The following NIM1K variants were observed in gnomAD, a reference collection of about 807,000 sequenced individuals.
The protein encoded by NIM1K is NIM1 serine/threonine protein kinase.
A neutral mutation model predicts 37.1 loss-of-function variants in NIM1K; 35 were observed. The observed-to-expected ratio is 0.94, with a 90% CI of 0.72 to 1.25. NIM1K has a LOEUF of 1.25. NIM1K is among the 50% of genes most tolerant of loss of function. The probability of loss-of-function intolerance (pLI) is 0.00; values close to 1 mark genes in which losing one functional copy is unlikely to be tolerated. For synonymous variants in NIM1K, 234 were observed against 206.6 expected (o/e 1.13, Z -1.14); for missense variants, 564 against 548.0 (o/e 1.03, Z -0.29).
chr5:43,260,928 A>G (rs1347214988), intron 2 of NIM1K, among the ~76,000 whole-genome samples: 1 of 152,188 alleles, frequency 6.6e-6, no homozygotes, highest in Non-Finnish European at 1.5e-5. Flanking sequence ...TGTCCCTGCA[A>G]AGGACATGAA....
intron 1 of NIM1K, among the ~76,000 whole-genome samples, chr5:43,226,475 GT>G (rs1752458868): frequency 1.3e-5 from 2 of 152,196 alleles, no homozygotes; most frequent in Non-Finnish European, 2.9e-5. Flanking sequence ...GAGTGAGGAT[GT>G]TTGGCTTCAG....
chr5:43,277,921 A>T (rs1291821192), intron 3 of NIM1K, among the ~76,000 whole-genome samples: 1 of 151,716 alleles, frequency 6.6e-6, no homozygotes, highest in African/African-American at 2.4e-5. Flanking sequence ...CTCTGTGCCC[A>T]GTAGATTAAC....
chr5:43,224,035 AC>A lies in NIM1K; in HGVS notation c.-694-21046del, dbSNP rs1193320000. On this transcript the variant is annotated intron_variant, in intron 1 of 3. Transcript: ENST00000326035. ...GAAAGATACAGTAGAAAGGTTGAAT[AC>A]ATTATTTTCACTTTTTTTTTGTCTT... Among the ~76,000 whole-genome samples, 4 of 143,384 alleles carry A rather than the reference AC, an allele frequency of 2.8e-5. No homozygotes were observed. In the East Asian group the frequency reaches 8.3e-4, roughly 30 times the overall value. 94.1% of individuals were successfully genotyped at this position (143,384 alleles called of 152,430 possible).
chr5:43,196,383 C>T (rs1308594143), intron 1 of NIM1K, among the ~76,000 whole-genome samples: 1 of 151,932 alleles, frequency 6.6e-6, no homozygotes, highest in Non-Finnish European at 1.5e-5. Context: ...AATCCCAGCA[C>T]TTTGGGAGGC....
chr5:43,215,755 C>G (rs536518576), intron 1 of NIM1K, among the ~76,000 whole-genome samples: 1 of 152,224 alleles, frequency 6.6e-6, no homozygotes, highest in Non-Finnish European at 1.5e-5. Context: ...TTTTAACAAG[C>G]AGTTTACTTT....
intron 1 of NIM1K, among the ~76,000 whole-genome samples, chr5:43,223,562 C>T (rs892454571): frequency 5.9e-5 from 9 of 152,152 alleles, no homozygotes; most frequent in African/African-American, 1.4e-4. Context: ...CAGCCATGTA[C>T]GTACATATCT....
intron 1 of NIM1K, among the ~76,000 whole-genome samples, chr5:43,235,825 A>G (rs545099543): frequency 6.6e-6 from 1 of 151,768 alleles, no homozygotes; most frequent in African/African-American, 2.4e-5. Flanking sequence ...CTACGGACCT[A>G]TGAACTATTC....
chr5:43,265,208 G>A (rs567164185), intron 2 of NIM1K, among the ~76,000 whole-genome samples: 39 of 152,346 alleles, frequency 2.6e-4, no homozygotes, highest in African/African-American at 8.7e-4. Context: ...ATCCTGCAGA[G>A]TGTTTTCCAA....
At chr5:43,206,890 G>A in intron 1 of NIM1K, 1 of 769,618 alleles carries the variant, frequency 1.3e-6, no homozygotes, top group Non-Finnish European at 2.4e-6. Context: ...GCCAATTTGA[G>A]AATTTACCCA....
In NIM1K at chr5:43,277,331, C is replaced by T. The variant is rs1477478152; in HGVS notation, c.561+6C>T. 5.0e-6 allele frequency: 8 copies of T among 1,612,140 alleles called. No individual in the cohort carries two copies. Among genetic ancestry groups the T allele is most frequent in the Non-Finnish European group, 5.9e-6 (7 of 1,179,040 alleles). ...TGTCTGCCGTGAAGCACATGGTGAG[C>T]AGGGGTGACGAGTGAGAACCTTGCT... On this transcript the variant is annotated splice_donor_region_variant and intron_variant, in intron 3 of 3. Coordinates refer to ENST00000326035, the MANE Select transcript of NIM1K (RefSeq NM_153361.4).
chr5:43,200,729 A>C (rs1219408927), intron 1 of NIM1K, among the ~76,000 whole-genome samples: 1 of 152,218 alleles, frequency 6.6e-6, no homozygotes, highest in Non-Finnish European at 1.5e-5. Context: ...ATGAGTGTGA[A>C]TTGACAAAGA....
chr5:43,192,569 C>T (rs1751849243), intron 1 of NIM1K, among the ~76,000 whole-genome samples, 158 bp downstream of exon 1: 1 of 152,196 alleles, frequency 6.6e-6, no homozygotes, highest in Non-Finnish European at 1.5e-5. Context: ...GAAGTGGGGT[C>T]AGAAGAAGGT....
At chr5:43,248,041 G>C (rs1481728685) in intron 2 of NIM1K, among the ~76,000 whole-genome samples, 2 of 152,206 alleles carry the variant, frequency 1.3e-5, no homozygotes, top group African/African-American at 2.4e-5. Flanking sequence ...AAAGCTATGA[G>C]CTTAAAGGAA....
In NIM1K at chr5:43,217,296, C is replaced by T. The variant is rs538953388; in HGVS notation, c.-695+24885C>T. Among the ~76,000 whole-genome samples the T allele has an allele frequency of 3.1e-4, 47 of 152,148 alleles. 2 individuals carry two copies. The South Asian group carries it at 8.7e-3, about 28-fold the overall frequency. On this transcript the variant is annotated intron_variant, in intron 1 of 3. Coordinates refer to ENST00000326035, the MANE Select transcript of NIM1K (RefSeq NM_153361.4). ...GAGTCATTCATGTTGTAGCATGTAT[C>T]GGTGCTTCATTTCTATTTATTACTG...
chr5:43,276,586 G>T (rs993009126), intron 2 of NIM1K, among the ~76,000 whole-genome samples: 1 of 152,348 alleles, frequency 6.6e-6, no homozygotes, highest in African/African-American at 2.4e-5. Flanking sequence ...CAAGAGTAAA[G>T]AACAGGGAAG....
Position 43,232,175 on chromosome 5 carries a change from G to A in NIM1K, c.-694-12907G>A, listed in dbSNP as rs191090929. On this transcript the variant is annotated intron_variant, in intron 1 of 3. Coordinates refer to ENST00000326035, the MANE Select transcript of NIM1K (RefSeq NM_153361.4). ...ATACACTTGGTCTTGATTGATGGTG[G>A]CAATGGCAGCATTGACGTCTTTGAG... 9.9e-5 allele frequency: 97 copies of A among 975,902 alleles called. 1 individual carries two copies. The African/African-American group carries it at 1.4e-3, about 14-fold the overall frequency. The allele number at this position is 975,902 out of a possible 1,614,324, so 60.5% of individuals were successfully genotyped here.
intron 1 of NIM1K, among the ~76,000 whole-genome samples, chr5:43,230,630 T>A (rs527528517): frequency 1.3e-5 from 2 of 152,234 alleles, no homozygotes; most frequent in Non-Finnish European, 2.9e-5. Flanking sequence ...CACAGGCCAA[T>A]TCAATCACAA....
chr5:43,207,054 A>AT (rs1339860030), intron 1 of NIM1K: 1 of 728,442 alleles, frequency 1.4e-6, no homozygotes, highest in Non-Finnish European at 2.6e-6. Flanking sequence ...CCATCAACAG[A>AT]TATTGGCCCA....
At chr5:43,205,141 C>G (rs545090007) in intron 1 of NIM1K, among the ~76,000 whole-genome samples, 1 of 152,278 alleles carries the variant, frequency 6.6e-6, no homozygotes, top group Admixed American at 6.5e-5. Context: ...TGGCCTGTTT[C>G]GTAGTGTTAG....
Sources: gnomAD v4.1 joint callset for allele counts (sites outside exome capture counted in the v4.1 genomes callset) on GRCh38, gnomAD v4.1.1 for gene constraint, MANE v1.5 for transcripts, NCBI Gene and HGNC (gene_info 2026-07-23, HGNC 2026-07-21) for gene names.